The following CCDC38 variants were observed in gnomAD, a reference collection of about 807,000 sequenced individuals.
The protein encoded by CCDC38 is coiled-coil domain-containing protein 38.
In CCDC38, 69 loss-of-function variants were observed where a neutral mutation model predicts 72.8. That is an observed-to-expected ratio of 0.95 (90% CI 0.78 to 1.16). CCDC38 has a LOEUF of 1.16. Ranked by LOEUF, CCDC38 falls within the 50% of genes most tolerant of loss-of-function variation. The pLI, the probability that CCDC38 is intolerant of heterozygous loss-of-function variation, is 0.00. For synonymous variants in CCDC38, 201 were observed against 213.2 expected, an observed-to-expected ratio of 0.94 and a Z score of 0.50; for missense variants, 626 against 638.9, an observed-to-expected ratio of 0.98 and a Z score of 0.22.
chr12:95,893,401 T>C (rs1225985605), intron 8 of CCDC38, among the ~76,000 whole-genome samples: 1 of 133,024 alleles, frequency 7.5e-6, no homozygotes, highest in East Asian at 2.4e-4. Context: ...ATTTAACTTA[T>C]CTTCCTTCCC....
intron 13 of CCDC38, among the ~76,000 whole-genome samples, chr12:95,876,601 T>C (rs73227791): frequency 4.6e-5 from 7 of 152,238 alleles, no homozygotes; most frequent in Non-Finnish European, 1.0e-4. Flanking sequence ...AAAACAGCAC[T>C]GAATTGAAAG....
At chr12:95,925,055 AGTT>A (rs2080253831) in intron 2 of CCDC38, among the ~76,000 whole-genome samples, 1 of 150,048 alleles carries the variant, frequency 6.7e-6, no homozygotes, top group African/African-American at 2.5e-5. Flanking sequence ...ACTTTAAAGT[AGTT>A]TTTTCCAATT....
chr12:95,919,070 G>A (rs2080176126), intron 2 of CCDC38, 94 bp from the exon 3 acceptor site: 1 of 748,518 alleles, frequency 1.3e-6, no homozygotes, highest in African/African-American at 1.8e-5. Flanking sequence ...TGGAATGAAT[G>A]GGATGCAGGG....
intron 10 of CCDC38, among the ~76,000 whole-genome samples, chr12:95,886,645 T>C (rs2079762574): frequency 6.6e-6 from 1 of 152,162 alleles, no homozygotes. Context: ...AGTTAGAAAG[T>C]GAGCAAAAGA....
chr12:95,929,828 A>G (rs1288715353), intron 2 of CCDC38, among the ~76,000 whole-genome samples: 2 of 152,186 alleles, frequency 1.3e-5, no homozygotes, highest in Non-Finnish European at 2.9e-5. Flanking sequence ...GATATCTGAA[A>G]TCAAGGTGAT....
Position 95,903,502 on chromosome 12 carries a change from G to T in CCDC38, c.369+2885C>A, listed in dbSNP as rs1040259216. ...GAAAGCATTCAGTCTTTTACCATTA[G>T]ATATGTAATGTTAGTGATAAGTTTC... On this transcript the variant is annotated intron_variant, in intron 5 of 15. Transcript: ENST00000344280. The T allele has an allele frequency of 2.1e-5, 15 of 698,158 alleles. No homozygotes were observed. The Admixed American group carries it at 2.6e-4, about 12-fold the overall frequency. The allele number at this position is 698,158 out of a possible 1,614,324, so 43.2% of individuals were successfully genotyped here.
rs769501825 is a variant in CCDC38, at chr12:95,867,081, T to TA, written c.1686dup (p.Thr563TyrfsTer?). 6.5e-6 allele frequency: 10 copies of TA among 1,547,768 alleles called. No homozygotes were observed. The highest frequency in any genetic ancestry group is 8.9e-6 in the Non-Finnish European group (10 of 1,124,514). On this transcript the variant is annotated frameshift_variant, in exon 16 of 16. Transcript: ENST00000344280. LOFTEE classifies it high-confidence loss of function. ...AAATGTCTTACTGCTTTTATTCAAG[T>TA]AAAAAAATATTCTTCCTCTTGTGAT...
Position 95,881,657 on chromosome 12 carries a change from T to C in CCDC38, c.921-103A>G, listed in dbSNP as rs1466429627. ...TTGTCGTTGGAACCCAACTGTAACA[T>C]AATTATTTTCAATAGCAGGTTTAGC... is the stretch of plus-strand genomic sequence containing the variant. On this transcript the variant is annotated intron_variant, in intron 10 of 15. Transcript: ENST00000344280. 5 of 816,890 alleles carry C rather than the reference T, an allele frequency of 6.1e-6. No individual in the cohort carries two copies. The East Asian group carries it at 1.4e-4, about 24-fold the overall frequency. 50.6% of individuals were successfully genotyped at this position (816,890 alleles called of 1,614,324 possible).
chr12:95,929,644 G>T (rs1339203957), intron 2 of CCDC38, among the ~76,000 whole-genome samples: 1 of 152,194 alleles, frequency 6.6e-6, no homozygotes, highest in African/African-American at 2.4e-5. Flanking sequence ...TTGACAAGGT[G>T]ATATTTTTGT....
At chr12:95,868,819 C>T (rs987148735) in intron 15 of CCDC38, among the ~76,000 whole-genome samples, 1 of 152,154 alleles carries the variant, frequency 6.6e-6, no homozygotes, top group Non-Finnish European at 1.5e-5. Flanking sequence ...GACAGGTAGT[C>T]TTGCAAAATA....
intron 2 of CCDC38, among the ~76,000 whole-genome samples, chr12:95,932,748 G>A (rs1308442244): frequency 1.3e-5 from 2 of 152,138 alleles, no homozygotes; most frequent in Admixed American, 6.5e-5. Context: ...AGTCCCATAC[G>A]AGTTTCTCTA....
intron 2 of CCDC38, chr12:95,935,112 G>A (rs1427536881): frequency 2.6e-5 from 4 of 152,124 alleles, no homozygotes; most frequent in Non-Finnish European, 1.5e-5. Context: ...AAACAATGCT[G>A]CAATAAATAT....
chr12:95,898,950 C>T (rs2079922677), intron 5 of CCDC38, among the ~76,000 whole-genome samples: 1 of 152,138 alleles, frequency 6.6e-6, no homozygotes. Flanking sequence ...CAGTGTTGTT[C>T]CAAAAGGGCT....
At chr12:95,880,924 T>C (rs1278716294) in intron 11 of CCDC38, among the ~76,000 whole-genome samples, 2 of 152,220 alleles carry the variant, frequency 1.3e-5, no homozygotes, top group African/African-American at 4.8e-5. Flanking sequence ...TGCTTACAGT[T>C]GACACTACTG....
intron 1 of CCDC38, among the ~76,000 whole-genome samples, chr12:95,938,050 A>G (rs900370149): frequency 6.6e-6 from 1 of 152,194 alleles, no homozygotes; most frequent in Non-Finnish European, 1.5e-5. Context: ...GGGAACTATT[A>G]TGTGCTAATA....
intron 10 of CCDC38, among the ~76,000 whole-genome samples, chr12:95,882,352 G>GA (rs758668230): frequency 6.6e-6 from 1 of 152,162 alleles, no homozygotes; most frequent in Non-Finnish European, 1.5e-5. Flanking sequence ...GGGGCCATGA[G>GA]AGAAGAGACA....
chr12:95,872,536 T>C lies in CCDC38; in HGVS notation c.1279-76A>G, dbSNP rs2079592568. 12 of 917,204 alleles carry C rather than the reference T, an allele frequency of 1.3e-5. No individual in the cohort carries two copies. The South Asian group carries it at 1.8e-4, about 13-fold the overall frequency. The allele number at this position is 917,204 out of a possible 1,614,324, so 56.8% of individuals were successfully genotyped here. ...AATATACCATTTTACTATATTACAGTAAAATCCCATGTATATGCTATTAAA... is the reference window on the plus strand; with the variant it reads ...AATATACCATTTTACTATATTACAGCAAAATCCCATGTATATGCTATTAAA... On this transcript the variant is annotated intron_variant, in intron 13 of 15. Transcript: ENST00000344280.
chr12:95,919,955 G>T (rs1592795060), intron 2 of CCDC38, among the ~76,000 whole-genome samples: 1 of 152,192 alleles, frequency 6.6e-6, no homozygotes, highest in Admixed American at 6.5e-5. Context: ...ACACAGAATT[G>T]CCACATGACC....
chr12:95,927,235 G>A (rs1397409855), intron 2 of CCDC38, among the ~76,000 whole-genome samples: 1 of 148,804 alleles, frequency 6.7e-6, no homozygotes, highest in Non-Finnish European at 1.5e-5. Context: ...CCTGTATTGG[G>A]TGCATATATA....
Sources: gnomAD v4.1 joint callset for allele counts (sites outside exome capture counted in the v4.1 genomes callset) on GRCh38, gnomAD v4.1.1 for gene constraint, MANE v1.5 for transcripts, NCBI Gene and HGNC (gene_info 2026-07-23, HGNC 2026-07-21) for gene names.